PHACTR3: variants seen among roughly 807,000 people sequenced by gnomAD.
PHACTR3 encodes protein phosphatase 1, regulatory subunit 123.
A neutral mutation model predicts 66.8 loss-of-function variants in PHACTR3; 16 were observed. That is an observed-to-expected ratio of 0.24 (90% confidence interval 0.16 to 0.36). The LOEUF (loss-of-function observed/expected upper bound fraction) is 0.36. Among genes scored for constraint, PHACTR3 ranks in the 10% least tolerant of loss-of-function variants. The pLI, the probability that PHACTR3 is intolerant of heterozygous loss-of-function variation, is 1.00. For synonymous variants in PHACTR3, 323 were observed against 292.1 expected (o/e 1.11, Z -1.08); for missense variants, 647 against 719.9 (o/e 0.90, Z 1.16).
At chr20:59,633,874 T>C (rs1217273252) in intron 1 of PHACTR3, among the ~76,000 whole-genome samples, 1 of 152,200 alleles carries the variant, frequency 6.6e-6, no homozygotes, top group African/African-American at 2.4e-5. Flanking sequence ...ATTAATTATT[T>C]AGGAGGTTCT....
chr20:59,666,342 G>A (rs1452417128), intron 1 of PHACTR3, among the ~76,000 whole-genome samples: 1 of 152,174 alleles, frequency 6.6e-6, no homozygotes, highest in Admixed American at 6.5e-5. Context: ...CCTAAACCAG[G>A]CCACTGGTCT....
chr20:59,602,626 A>G (rs190199080), upstream of PHACTR3, among the ~76,000 whole-genome samples: 1,283 of 151,968 alleles, frequency 8.4e-3, 16 homozygotes, highest in African/African-American at 0.03. Flanking sequence ...CCTCCCCCCC[A>G]CCTATAGCCA....
chr20:59,586,809 G>A (rs1308749179), intron 1 of PHACTR3, among the ~76,000 whole-genome samples: 5 of 152,166 alleles, frequency 3.3e-5, no homozygotes, highest in African/African-American at 1.2e-4. Flanking sequence ...GCTCCACTTG[G>A]TGGGACCCCA....
chr20:59,733,725 G>C (rs570653108), intron 1 of PHACTR3, among the ~76,000 whole-genome samples: 1 of 152,164 alleles, frequency 6.6e-6, no homozygotes, highest in African/African-American at 2.4e-5. Flanking sequence ...TTTCACATCT[G>C]TGTGCCTCCA....
chr20:59,790,419 T>C (rs2041054671), intron 7 of PHACTR3, among the ~76,000 whole-genome samples: 1 of 152,236 alleles, frequency 6.6e-6, no homozygotes, highest in Non-Finnish European at 1.5e-5. Context: ...TCAGGAATTC[T>C]CCCCTTTCTA....
At chr20:59,776,331 G>T (rs929703500) in intron 7 of PHACTR3, among the ~76,000 whole-genome samples, 1 of 152,218 alleles carries the variant, frequency 6.6e-6, no homozygotes, top group Non-Finnish European at 1.5e-5. Context: ...ACTGGCCATG[G>T]TCATGCAGCT....
intron 8 of PHACTR3, among the ~76,000 whole-genome samples, chr20:59,822,045 C>T (rs1427955362): frequency 1.6e-5 from 2 of 128,384 alleles, no homozygotes. Flanking sequence ...CCAGCGATCC[C>T]ACCCCTTCCC....
intron 5 of PHACTR3, among the ~76,000 whole-genome samples, chr20:59,770,901 C>T (rs1271147301): frequency 1.3e-5 from 2 of 152,238 alleles, no homozygotes; most frequent in African/African-American, 2.4e-5. Flanking sequence ...GTCCCACAGC[C>T]TCTGCCAAGT....
At chr20:59,808,849 G>A (rs560660765) in intron 8 of PHACTR3, among the ~76,000 whole-genome samples, 25 of 152,320 alleles carry the variant, frequency 1.6e-4, no homozygotes, top group African/African-American at 5.5e-4. Context: ...ATTGATGTTT[G>A]GGCCCAGATC....
chr20:59,708,806 A>G (rs2037811553), intron 1 of PHACTR3, among the ~76,000 whole-genome samples: 1 of 152,184 alleles, frequency 6.6e-6, no homozygotes, highest in Non-Finnish European at 1.5e-5. Flanking sequence ...TAATCTTGAA[A>G]CAGGGATAGG....
chr20:59,683,984 T>G (rs961414797), intron 1 of PHACTR3, among the ~76,000 whole-genome samples: 2 of 152,118 alleles, frequency 1.3e-5, no homozygotes, highest in African/African-American at 4.8e-5. Flanking sequence ...AAACTGCAAT[T>G]TGCAAGAACG....
chr20:59,594,457 T>C (rs1299930809), intron 1 of PHACTR3, among the ~76,000 whole-genome samples: 1 of 152,298 alleles, frequency 6.6e-6, no homozygotes, highest in East Asian at 1.9e-4. Context: ...ATGGCATTAG[T>C]TGAACTTGAA....
Position 59,614,484 on chromosome 20 carries a change from T to C in PHACTR3, c.118+9352T>C, listed in dbSNP as rs373153574. ...AAAGCAAGTCGGTTGGATGGGTAGC[T>C]TGGCAACGCACCTTATCTAATGGTC... On this transcript the variant is annotated intron_variant, in intron 1 of 12. Transcript: ENST00000371015. Among the ~76,000 whole-genome samples, 36 of 152,346 alleles carry C rather than the reference T, an allele frequency of 2.4e-4. No individual in the cohort carries two copies. In the South Asian group the frequency reaches 7.5e-3, roughly 32 times the overall value.
At chr20:59,694,872 G>C (rs546566672) in intron 1 of PHACTR3, among the ~76,000 whole-genome samples, 10 of 152,252 alleles carry the variant, frequency 6.6e-5, no homozygotes, top group Admixed American at 2.0e-4. Flanking sequence ...GAGGGTCATG[G>C]AGAGAGAGAA....
At chr20:59,766,768 G>A (rs1480455313) in intron 4 of PHACTR3, among the ~76,000 whole-genome samples, 2 of 152,222 alleles carry the variant, frequency 1.3e-5, no homozygotes, top group Non-Finnish European at 2.9e-5. Flanking sequence ...AATCCTGTGA[G>A]GGACTATTGT....
At chr20:59,739,774 C>T (rs1222097943) in intron 1 of PHACTR3, among the ~76,000 whole-genome samples, 1 of 151,926 alleles carries the variant, frequency 6.6e-6, no homozygotes, top group African/African-American at 2.4e-5. Context: ...AGAGAATGAC[C>T]TCATGCCCCA....
At position 59,615,502 on chromosome 20, in the gene PHACTR3, C is replaced by T. The variant is rs2033996952; in HGVS notation, c.118+10370C>T. On this transcript the variant is annotated intron_variant, in intron 1 of 12. Coordinates refer to ENST00000371015, the MANE Select transcript of PHACTR3 (RefSeq NM_080672.5). ...CACATATGTAATAAGTGCCAGGCCT[C>T]TCAAACTTGTCCCCTTCTGTGCTGT... is the stretch of plus-strand genomic sequence containing the variant. Among the ~76,000 whole-genome samples, 5 of 152,208 alleles carry T rather than the reference C, an allele frequency of 3.3e-5. No individual in the cohort carries two copies. The South Asian group carries it at 1.0e-3, about 32-fold the overall frequency.
chr20:59,577,518 C>A (rs1244531782), exon 1 of PHACTR3: 2 of 1,135,726 alleles, frequency 1.8e-6, no homozygotes, highest in Non-Finnish European at 2.2e-6. Flanking sequence ...GATGCGTGGC[C>A]GTGGCGGGGG....
At chr20:59,743,043 G>C (rs2039226298) in intron 1 of PHACTR3, 64 bp from the exon 2 acceptor site, 1 of 1,551,252 alleles carries the variant, frequency 6.4e-7, no homozygotes, top group Admixed American at 1.8e-5. Context: ...TCATCACCTT[G>C]GGCCCCCAGG....
Sources: gnomAD v4.1 joint callset for allele counts (sites outside exome capture counted in the v4.1 genomes callset) on GRCh38, gnomAD v4.1.1 for gene constraint, MANE v1.5 for transcripts, NCBI Gene and HGNC (gene_info 2026-07-23, HGNC 2026-07-21) for gene names.